The following SCARB1 variants were observed in gnomAD, a reference collection of about 807,000 sequenced individuals.
The protein encoded by SCARB1 is CD36 and LIMPII analogous 1.
A neutral mutation model predicts 57.2 loss-of-function variants in SCARB1; 30 were observed. The observed-to-expected ratio is 0.52, with a 90% CI of 0.39 to 0.71. SCARB1 has a LOEUF of 0.71. Ranked by LOEUF, SCARB1 falls within the 30% of genes least tolerant of loss-of-function variation. The pLI is 0.00. For synonymous variants in SCARB1, 249 were observed against 268.3 expected (o/e 0.93, Z 0.70); for missense variants, 543 against 671.2 (o/e 0.81, Z 2.11).
intron 1 of SCARB1, among the ~76,000 whole-genome samples, chr12:124,833,367 T>G (rs1414005740): frequency 6.6e-6 from 1 of 151,998 alleles, no homozygotes; most frequent in Non-Finnish European, 1.5e-5. Context: ...TTTTTAAATT[T>G]TTTATAGAGA....
At chr12:124,821,514 T>TTGA in intron 1 of SCARB1, 1 of 985,346 alleles carries the variant, frequency 1.0e-6, no homozygotes, top group Non-Finnish European at 1.2e-6. Context: ...AAGAAGAGGC[T>TTGA]TTCAGGCCCT....
intron 7 of SCARB1, among the ~76,000 whole-genome samples, chr12:124,802,002 T>C (rs1057030377): frequency 2.0e-5 from 3 of 149,820 alleles, no homozygotes; most frequent in Non-Finnish European, 3.0e-5. Context: ...AATACAAAAT[T>C]AGCCGGGCCT....
chr12:124,814,188 C>A lies in SCARB1; in HGVS notation c.630+14G>T, dbSNP rs544670377. The A allele has an allele frequency of 4.3e-6, 7 of 1,613,226 alleles. No homozygotes were observed. In the East Asian group the frequency reaches 1.1e-4, roughly 26 times the overall value. On this transcript the variant is annotated intron_variant, in intron 4 of 12. Coordinates refer to ENST00000261693, the MANE Select transcript of SCARB1 (RefSeq NM_005505.5). This position sits in a 1 kb window ranked among gnomAD's most constrained non-coding sequence, Gnocchi z 4.7. Reference sequence around the variant, plus strand: ...CAGGCCTGAATCTTTGGCTTCTCACCAGGCCACACGTACCTCAGCAAATAA... The same window carrying A: ...CAGGCCTGAATCTTTGGCTTCTCACAAGGCCACACGTACCTCAGCAAATAA...
At chr12:124,833,826 C>T (rs1193749268) in intron 1 of SCARB1, among the ~76,000 whole-genome samples, 4 of 152,246 alleles carry the variant, frequency 2.6e-5, no homozygotes, top group East Asian at 1.9e-4. Context: ...ACACGTCCCC[C>T]GCTTTTGAAC....
intron 1 of SCARB1, among the ~76,000 whole-genome samples, chr12:124,825,862 A>T (rs1356212934): frequency 6.6e-6 from 1 of 152,186 alleles, no homozygotes; most frequent in African/African-American, 2.4e-5. Flanking sequence ...GAAGACATTG[A>T]ATACACAGAG....
chr12:124,793,610 G>A (rs981906351), intron 9 of SCARB1, among the ~76,000 whole-genome samples: 1 of 150,828 alleles, frequency 6.6e-6, no homozygotes, highest in Non-Finnish European at 1.5e-5. Context: ...GGAGAATGGC[G>A]TGAACCCAGG....
At position 124,807,948 on chromosome 12, in the gene SCARB1, G is replaced by A. The variant is rs1566174220; in HGVS notation, c.843-21C>T. ...TGGATCTGCAGGGGACAGACAGGAT[G>A]AGAGGGGACACCCAGACCCGGCGGC... On this transcript the variant is annotated intron_variant, in intron 6 of 12. Transcript: ENST00000261693. This position sits in a 1 kb window ranked among gnomAD's most constrained non-coding sequence, Gnocchi z 5.3. 2 of 1,613,430 alleles carry A rather than the reference G, an allele frequency of 1.2e-6. No homozygotes were observed. The highest frequency in any genetic ancestry group is 1.7e-6 in the Non-Finnish European group (2 of 1,179,488).
At chr12:124,786,559 C>A in intron 10 of SCARB1, 56 bp from the exon 11 acceptor site, 7 of 1,604,586 alleles carry the variant, frequency 4.4e-6, no homozygotes, top group Non-Finnish European at 5.9e-6. Context: ...CGGGCTACAG[C>A]GCAGATGCCA....
At chr12:124,841,783 C>T (rs75353205) in intron 1 of SCARB1, among the ~76,000 whole-genome samples, 15,379 of 152,206 alleles carry the variant, frequency 0.1, 875 homozygotes, top group African/African-American at 0.15. Context: ...GAAGGAGTCC[C>T]CTTCCCAGCA....
chr12:124,858,646 G>A (rs985361990), intron 1 of SCARB1, among the ~76,000 whole-genome samples: 4 of 151,968 alleles, frequency 2.6e-5, no homozygotes, highest in Admixed American at 6.6e-5. Flanking sequence ...TTGGGAGGCC[G>A]AGACGGGCGG....
intron 10 of SCARB1, 29 bp from the exon 11 acceptor site, chr12:124,786,532 G>A (rs370322838): frequency 6.2e-7 from 1 of 1,613,008 alleles, no homozygotes; most frequent in Non-Finnish European, 8.5e-7. Context: ...AAACACATGA[G>A]CTGGGGCCGC....
At chr12:124,802,951 C>T (rs1056068525) in intron 7 of SCARB1, among the ~76,000 whole-genome samples, 2 of 152,072 alleles carry the variant, frequency 1.3e-5, no homozygotes, top group African/African-American at 2.4e-5. Flanking sequence ...CGGTCACGGT[C>T]GAAAAACAGG....
At position 124,863,657 on chromosome 12, in the gene SCARB1, C is replaced by A; in HGVS notation, c.64G>T (p.Ala22Ser). 1.3e-6 allele frequency: 2 copies of A among 1,585,024 alleles called. No homozygotes were observed. The highest frequency in any genetic ancestry group is 1.1e-5 in the South Asian group (1 of 87,264). The change falls in exon 1 of 13, where the codon GCT becomes TCT. Residue 22 changes from alanine (A) to serine (S), a missense_variant. Ala to Ser is a moderately conservative substitution (Grantham distance 99). Coordinates refer to ENST00000261693, the MANE Select transcript of SCARB1 (RefSeq NM_005505.5). ...GALGVAGLLC[A>S]VLGAVMIVMV... ...ACGATCATGACAGCGCCCAGCACAG[C>A]GCACAGTAGCCCCGCGACGCCCAGC...
At chr12:124,806,740 T>C (rs568782647) in intron 7 of SCARB1, among the ~76,000 whole-genome samples, 2 of 147,208 alleles carry the variant, frequency 1.4e-5, no homozygotes, top group South Asian at 4.4e-4. Flanking sequence ...ATAAAAACTT[T>C]ACAAAAATAA....
chr12:124,786,116 C>T (rs1358363725), intron 11 of SCARB1: 2 of 1,537,004 alleles, frequency 1.3e-6, no homozygotes, highest in Non-Finnish European at 1.7e-6. Flanking sequence ...CCTGTGCCCC[C>T]TCCAAGGGAG....
chr12:124,815,591 A>C (rs1326776573), intron 2 of SCARB1, among the ~76,000 whole-genome samples: 1 of 152,154 alleles, frequency 6.6e-6, no homozygotes, highest in East Asian at 1.9e-4. Context: ...TCAGGTCGGG[A>C]GCAGTGGCTC....
Position 124,811,936 on chromosome 12 carries a change from C to T in SCARB1, c.660G>A (p.Thr220=), listed in dbSNP as rs768674012. 9.9e-6 allele frequency: 16 copies of T among 1,613,272 alleles called. No individual in the cohort carries two copies. The highest frequency in any genetic ancestry group is 1.3e-5 in the Non-Finnish European group (15 of 1,179,660). The change falls in exon 5 of 13, where the codon ACG becomes ACA. Residue 220 remains threonine (T), a synonymous_variant. Coordinates refer to ENST00000261693, the MANE Select transcript of SCARB1 (RefSeq NM_005505.5). The stretch of plus-strand genomic sequence containing the variant: ...TGATGTTCTGGACCCCCGTGAACAC[C>T]GTGAAGAGCCCAGAGTCGGAGTTGT... The part of the protein sequence containing the change: ...ELNNSDSGLF[T]VFTGVQNISR...
intron 1 of SCARB1, among the ~76,000 whole-genome samples, chr12:124,841,373 C>G (rs1345474201): frequency 1.1e-5 from 1 of 87,106 alleles, no homozygotes; most frequent in African/African-American, 4.8e-5. Context: ...GACTCCGTCT[C>G]AAAAAAAAAA....
intron 1 of SCARB1, among the ~76,000 whole-genome samples, chr12:124,854,970 C>T (rs1952572455): frequency 6.6e-6 from 1 of 152,052 alleles, no homozygotes; most frequent in Admixed American, 6.5e-5. Context: ...CTGGAGGAGC[C>T]CACCCCAGGG....
Sources: gnomAD v4.1 joint callset for allele counts (sites outside exome capture counted in the v4.1 genomes callset) on GRCh38, gnomAD v4.1.1 for gene constraint, Gnocchi (gnomAD v3.1) non-coding constraint, MANE v1.5 for transcripts, NCBI Gene and HGNC (gene_info 2026-07-23, HGNC 2026-07-21) for gene names.